Variants in BRINP3 observed in about 807,000 individuals in gnomAD.
BRINP3 encodes the protein BMP/retinoic acid-inducible neural-specific protein 3.
A neutral mutation model predicts 71.0 loss-of-function variants in BRINP3; 19 were observed. The observed-to-expected ratio is 0.27, with a 90% confidence interval of 0.19 to 0.39. The LOEUF (loss-of-function observed/expected upper bound fraction) is 0.39. Among genes scored for constraint, BRINP3 ranks in the 10% least tolerant of loss-of-function variants. The probability of loss-of-function intolerance (pLI) is 1.00; values close to 1 mark genes in which losing one functional copy is unlikely to be tolerated. For missense variants in BRINP3, 959 were observed against 940.8 expected (o/e 1.02, Z -0.25); for synonymous variants, 380 against 337.7 (o/e 1.13, Z -1.37).
intron 2 of BRINP3, among the ~76,000 whole-genome samples, chr1:190,345,359 G>A (rs941746205): frequency 2.3e-4 from 35 of 151,800 alleles, no homozygotes; most frequent in Admixed American, 2.2e-3. Flanking sequence ...ATAGTTTAGA[G>A]CTCAGAATCG....
intron 6 of BRINP3, among the ~76,000 whole-genome samples, chr1:190,171,019 T>C (rs1651961847): frequency 6.6e-6 from 1 of 152,108 alleles, no homozygotes. Flanking sequence ...GAAAAGTTGC[T>C]GAACACACAA....
chr1:190,178,205 C>T (rs932168980), intron 6 of BRINP3, among the ~76,000 whole-genome samples: 5 of 152,030 alleles, frequency 3.3e-5, no homozygotes, highest in Admixed American at 6.6e-5. Context: ...GGGTTTTGTA[C>T]GTAGTACTAT....
intron 2 of BRINP3, among the ~76,000 whole-genome samples, chr1:190,431,442 TTCA>T (rs1674094214): frequency 6.6e-6 from 1 of 152,160 alleles, no homozygotes; most frequent in South Asian, 2.1e-4. Flanking sequence ...CACTGCAAAC[TTCA>T]TCCCTGGGTG....
chr1:190,281,723 G>T lies in BRINP3; in HGVS notation c.264C>A (p.Asn88Lys). 1 of 1,609,964 alleles carries T rather than the reference G, an allele frequency of 6.2e-7. No individual in the cohort carries two copies. The highest frequency in any genetic ancestry group is 8.5e-7 in the Non-Finnish European group (1 of 1,178,514). Reference protein sequence around the residue: ...YREFGRWKVNNLAVERRNFLG... With the variant: ...YREFGRWKVNKLAVERRNFLG... The stretch of plus-strand genomic sequence containing the variant: ...GGAAATTTCTTCTCTCAACTGCAAG[G>T]TTATTTACTTTCCAGCGGCCAAACT... The change falls in exon 3 of 8, where the codon AAC (asparagine) becomes AAA (lysine). Residue 88 changes from asparagine to lysine, a missense_variant. By Grantham distance (94) the Asn-to-Lys change is moderately conservative. Transcript: ENST00000367462.
At chr1:190,401,475 A>G (rs1012977620) in intron 2 of BRINP3, among the ~76,000 whole-genome samples, 5 of 151,596 alleles carry the variant, frequency 3.3e-5, no homozygotes, top group African/African-American at 1.2e-4. Context: ...ACTGTTTAAT[A>G]TGTTTTTTTG....
intron 6 of BRINP3, among the ~76,000 whole-genome samples, chr1:190,214,297 C>T (rs1656224981): frequency 6.6e-6 from 1 of 152,046 alleles, no homozygotes; most frequent in Admixed American, 6.6e-5. Context: ...GCTTTTGGTT[C>T]ATGACTTGAT....
intron 2 of BRINP3, among the ~76,000 whole-genome samples, chr1:190,443,495 T>C (rs1038942559): frequency 6.8e-6 from 1 of 147,292 alleles, no homozygotes; most frequent in African/African-American, 2.7e-5. Flanking sequence ...AACATTCTCT[T>C]TCCCTAGTTT....
At chr1:190,420,441 G>C (rs1402573509) in intron 2 of BRINP3, among the ~76,000 whole-genome samples, 1 of 151,822 alleles carries the variant, frequency 6.6e-6, no homozygotes, top group Non-Finnish European at 1.5e-5. Context: ...ATCAGAGTAG[G>C]CCAAAATCAA....
chr1:190,153,707 G>A (rs775744153), intron 7 of BRINP3, among the ~76,000 whole-genome samples: 2 of 152,044 alleles, frequency 1.3e-5, no homozygotes, highest in Admixed American at 1.3e-4. Context: ...TAATATTAAA[G>A]AATTTGGGTC....
chr1:190,432,471 T>C (rs1053725650), intron 2 of BRINP3, among the ~76,000 whole-genome samples: 2 of 152,208 alleles, frequency 1.3e-5, no homozygotes, highest in African/African-American at 4.8e-5. Context: ...TCCATGATTT[T>C]AAATTATTAA....
chr1:190,395,672 C>CA (rs548315048), intron 2 of BRINP3, among the ~76,000 whole-genome samples: 46 of 151,774 alleles, frequency 3.0e-4, no homozygotes, highest in Non-Finnish European at 4.7e-4. Context: ...TATTTGATTA[C>CA]AAAAAACCTA....
rs796511389 is a variant in BRINP3 at position 190,312,200 on chromosome 1, G to T, written c.237-30450C>A. Among the ~76,000 whole-genome samples the T allele has an allele frequency of 5.0e-4, 75 of 150,314 alleles. 1 individual carries two copies. The highest frequency in any genetic ancestry group is 1.4e-3 in the Admixed American group (21 of 14,972). ...AGCAAATGATGATCTTTCGTAAATTGCGAATTTATGTTATTGCAAAGTTCA... is the reference window on the plus strand; with the variant it reads ...AGCAAATGATGATCTTTCGTAAATTTCGAATTTATGTTATTGCAAAGTTCA... On this transcript the variant is annotated intron_variant, in intron 2 of 7. Transcript: ENST00000367462.
intron 3 of BRINP3, among the ~76,000 whole-genome samples, chr1:190,278,128 T>C (rs114057435): frequency 0.015 from 2,344 of 151,864 alleles, 76 homozygotes; most frequent in African/African-American, 0.053. Context: ...CCATTTTTCA[T>C]GTATTTCTTT....
intron 2 of BRINP3, among the ~76,000 whole-genome samples, chr1:190,321,146 C>A (rs1485503114): frequency 6.6e-6 from 1 of 151,982 alleles, no homozygotes; most frequent in East Asian, 1.9e-4. Context: ...CACGACCCTA[C>A]CATCTAGTGG....
intron 4 of BRINP3, among the ~76,000 whole-genome samples, chr1:190,253,964 C>T (rs1660402806): frequency 6.6e-6 from 1 of 151,900 alleles, no homozygotes; most frequent in African/African-American, 2.4e-5. Flanking sequence ...GGAAGGGATC[C>T]AGTTTCATCT....
intron 7 of BRINP3, among the ~76,000 whole-genome samples, chr1:190,100,455 A>G (rs1651605636): frequency 6.6e-6 from 1 of 152,156 alleles, no homozygotes. Context: ...ACCTGTGCCC[A>G]GTAGAATGCC....
At chr1:190,415,471 A>C (rs555832795) in intron 2 of BRINP3, among the ~76,000 whole-genome samples, 1 of 152,348 alleles carries the variant, frequency 6.6e-6, no homozygotes, top group African/African-American at 2.4e-5. Flanking sequence ...TAAAACCAAA[A>C]AAGCCCAAAT....
intron 7 of BRINP3, among the ~76,000 whole-genome samples, 197 bp from the exon 8 acceptor site, chr1:190,099,331 C>T (rs989734831): frequency 6.6e-6 from 1 of 150,516 alleles, no homozygotes; most frequent in Non-Finnish European, 1.5e-5. Flanking sequence ...CACACACAGA[C>T]GTGTGTATGT....
intron 6 of BRINP3, among the ~76,000 whole-genome samples, chr1:190,220,350 C>T (rs1391351858): frequency 6.6e-6 from 1 of 151,920 alleles, no homozygotes; most frequent in Non-Finnish European, 1.5e-5. Flanking sequence ...AATGAGATCA[C>T]ACGGACACAG....
Sources: allele counts gnomAD v4.1 joint callset (sites outside exome capture counted in the v4.1 genomes callset), GRCh38; gene constraint gnomAD v4.1.1; transcripts MANE v1.5; gene names NCBI Gene and HGNC (gene_info 2026-07-23, HGNC 2026-07-21).